The following PTPRG variants were observed in gnomAD, a reference collection of about 807,000 sequenced individuals.
The protein encoded by PTPRG is receptor-type tyrosine-protein phosphatase gamma.
Under a neutral mutation model 165.3 loss-of-function variants are expected in PTPRG, and 102 were observed. The observed-to-expected ratio is 0.62, with a 90% CI of 0.53 to 0.73. PTPRG has a LOEUF of 0.73. PTPRG is among the 30% of genes least tolerant of loss of function. The pLI, the probability that PTPRG is intolerant of heterozygous loss-of-function variation, is 0.00. For missense variants in PTPRG, 1,866 were observed against 1,861.4 expected (o/e 1.00, Z -0.05); for synonymous variants, 675 against 669.5 (o/e 1.01, Z -0.13).
chr3:62,127,221 T>C (rs1250131310), intron 5 of PTPRG, among the ~76,000 whole-genome samples: 2 of 152,146 alleles, frequency 1.3e-5, no homozygotes, highest in Non-Finnish European at 2.9e-5. Flanking sequence ...GGATGCAAAA[T>C]AACCACATTA....
intron 5 of PTPRG, among the ~76,000 whole-genome samples, chr3:62,093,876 T>C (rs568251864): frequency 2.7e-4 from 41 of 152,288 alleles, no homozygotes; most frequent in African/African-American, 9.6e-4. Flanking sequence ...AGACAGCTTT[T>C]TTTCCAAGCA....
intron 1 of PTPRG, among the ~76,000 whole-genome samples, chr3:61,616,289 T>C (rs1157295389): frequency 2.6e-5 from 4 of 152,192 alleles, no homozygotes; most frequent in African/African-American, 9.7e-5. Context: ...GAGCATATCT[T>C]GGGATATTGC....
chr3:61,725,080 C>T lies in PTPRG; in HGVS notation c.86-23798C>T, dbSNP rs557596371. Among the ~76,000 whole-genome samples the T allele has an allele frequency of 3.9e-5, 6 of 152,186 alleles. No homozygotes were observed. In the South Asian group the frequency reaches 8.3e-4, roughly 21 times the overall value. On this transcript the variant is annotated intron_variant, in intron 1 of 29. Coordinates refer to ENST00000474889, the MANE Select transcript of PTPRG (RefSeq NM_002841.4). ...CAGGTACAGAAGATTTTCTCTTCTC[C>T]TTTTTTACCACTTACGAGTTTCATA...
chr3:61,719,598 C>G (rs1000915439), intron 1 of PTPRG, among the ~76,000 whole-genome samples: 1 of 152,174 alleles, frequency 6.6e-6, no homozygotes, highest in Non-Finnish European at 1.5e-5. Flanking sequence ...TGGTGGCTGG[C>G]CCTTTCCTAT....
intron 2 of PTPRG, among the ~76,000 whole-genome samples, chr3:61,844,077 C>T (rs926494306): frequency 2.6e-5 from 4 of 151,910 alleles, no homozygotes; most frequent in Admixed American, 1.3e-4. Flanking sequence ...GATTCTCCTG[C>T]CTCAGCCTCC....
At chr3:61,582,292 T>A (rs1170145753) in intron 1 of PTPRG, among the ~76,000 whole-genome samples, 1 of 152,102 alleles carries the variant, frequency 6.6e-6, no homozygotes, top group Non-Finnish European at 1.5e-5. Flanking sequence ...ATTTATTAAT[T>A]TTTTGGTGCT....
chr3:62,112,209 A>C (rs1702694011), intron 5 of PTPRG, among the ~76,000 whole-genome samples: 1 of 151,922 alleles, frequency 6.6e-6, no homozygotes, highest in Admixed American at 6.6e-5. Flanking sequence ...GATTCAAGTG[A>C]TTCTCCTGCC....
intron 2 of PTPRG, among the ~76,000 whole-genome samples, chr3:61,760,546 C>A (rs1210271748): frequency 6.6e-6 from 1 of 152,132 alleles, no homozygotes; most frequent in African/African-American, 2.4e-5. Context: ...GAGTGATAGG[C>A]CTGACTTGGT....
At chr3:61,690,777 G>T (rs2030145890) in intron 1 of PTPRG, among the ~76,000 whole-genome samples, 1 of 151,602 alleles carries the variant, frequency 6.6e-6, no homozygotes, top group South Asian at 2.1e-4. Flanking sequence ...AAGCTTTTTG[G>T]TTTTTGGGCT....
At chr3:62,279,266 A>G (rs966738167) in intron 26 of PTPRG, among the ~76,000 whole-genome samples, 1 of 152,086 alleles carries the variant, frequency 6.6e-6, no homozygotes, top group Non-Finnish European at 1.5e-5. Context: ...TCTTTGACCT[A>G]TAAATATACT....
At chr3:61,623,436 G>C (rs774433577) in intron 1 of PTPRG, among the ~76,000 whole-genome samples, 2 of 152,156 alleles carry the variant, frequency 1.3e-5, no homozygotes, top group Non-Finnish European at 2.9e-5. Flanking sequence ...ACTAGGCCTT[G>C]CTTTCTTTAA....
At chr3:61,909,024 G>A (rs541395200) in intron 2 of PTPRG, among the ~76,000 whole-genome samples, 25 of 152,310 alleles carry the variant, frequency 1.6e-4, no homozygotes, top group Non-Finnish European at 2.8e-4. Context: ...TGTTTGCAAA[G>A]AGTAGGAATG....
chr3:61,876,824 T>C (rs998104110), intron 2 of PTPRG, among the ~76,000 whole-genome samples: 1 of 152,108 alleles, frequency 6.6e-6, no homozygotes, highest in Non-Finnish European at 1.5e-5. Flanking sequence ...GTAATTCATG[T>C]TTTTTTCCCA....
In PTPRG at chr3:62,167,910, T is replaced by C. The variant is rs1382617523; in HGVS notation, c.841-61T>C. The stretch of plus-strand genomic sequence containing the variant: ...GCTTTGGACCAAATAGCTTTTCTAA[T>C]TGATGTGTGTTTTTTGTGTTGTTTT... On this transcript the variant is annotated intron_variant, in intron 7 of 29. Transcript: ENST00000474889. 5.4e-6 allele frequency: 8 copies of C among 1,484,292 alleles called. No homozygotes were observed. In the South Asian group the frequency reaches 5.8e-5, roughly 11 times the overall value. The allele number at this position is 1,484,292 out of a possible 1,614,324, so 91.9% of individuals were successfully genotyped here.
rs2106735339 is a variant in PTPRG at position 62,168,206 on chromosome 3, T to C, written c.1033+43T>C. On this transcript the variant is annotated intron_variant, in intron 8 of 29. Coordinates refer to ENST00000474889, the MANE Select transcript of PTPRG (RefSeq NM_002841.4). ...GCCTTGCCCAGAGGAAGATTCCTTA[T>C]CATAAATTACTTTAAATTAAAAGGA... The C allele has an allele frequency of 2.0e-6, 3 of 1,522,036 alleles. No homozygotes were observed. The East Asian group carries it at 6.8e-5, about 35-fold the overall frequency. The allele number at this position is 1,522,036 out of a possible 1,614,324, so 94.3% of individuals were successfully genotyped here. A position where few individuals can be genotyped will look rare whatever the true frequency, so the allele number is the denominator to read the frequency against.
chr3:61,933,637 C>T (rs1471169227), intron 2 of PTPRG, among the ~76,000 whole-genome samples: 1 of 152,182 alleles, frequency 6.6e-6, no homozygotes, highest in Non-Finnish European at 1.5e-5. Context: ...TAAAGGGTCA[C>T]CTAAGACCAT....
chr3:61,585,997 T>C (rs1347723296), intron 1 of PTPRG, among the ~76,000 whole-genome samples: 1 of 152,196 alleles, frequency 6.6e-6, no homozygotes, highest in African/African-American at 2.4e-5. Context: ...AAGACACTGA[T>C]TGGGCTATTG....
intron 2 of PTPRG, among the ~76,000 whole-genome samples, chr3:61,885,911 T>C (rs2038023633): frequency 6.6e-6 from 1 of 150,548 alleles, no homozygotes; most frequent in Admixed American, 6.6e-5. Flanking sequence ...GTAGGGTAGA[T>C]TCTTATTCAG....
At chr3:61,959,312 C>T (rs1242210259) in intron 2 of PTPRG, among the ~76,000 whole-genome samples, 1 of 152,188 alleles carries the variant, frequency 6.6e-6, no homozygotes, top group Non-Finnish European at 1.5e-5. Flanking sequence ...GAGAACTACC[C>T]TGTCCTCAGG....
Sources: allele counts gnomAD v4.1 joint callset (sites outside exome capture counted in the v4.1 genomes callset), GRCh38; gene constraint gnomAD v4.1.1; transcripts MANE v1.5; gene names NCBI Gene and HGNC (gene_info 2026-07-23, HGNC 2026-07-21).